CCDC171: variants seen among roughly 807,000 people sequenced by gnomAD.
CCDC171 encodes the protein coiled-coil domain-containing protein 171.
CCDC171 carries 177 observed loss-of-function variants against 168.2 expected under a neutral mutation model. The ratio of observed to expected loss-of-function variants is 1.05; its 90% CI spans 0.93 to 1.19. The LOEUF (loss-of-function observed/expected upper bound fraction) is 1.19. Among genes scored for constraint, CCDC171 ranks in the 50% most tolerant of loss-of-function variants. CCDC171 has a pLI of 0.00. For synonymous variants in CCDC171, 687 were observed against 540.8 expected (o/e 1.27, Z -3.75); for missense variants, 1,991 against 1,539.0 (o/e 1.29, Z -4.91).
At chr9:15,642,343 G>GTGTATATATATA (rs1369419679) in intron 7 of CCDC171, among the ~76,000 whole-genome samples, 54 of 107,466 alleles carry the variant, frequency 5.0e-4, no homozygotes, top group African/African-American at 1.3e-3. Context: ...GTGTGTGTGT[G>GTGTATATATATA]TATATATATA....
At chr9:15,706,521 T>A (rs1588070575) in intron 11 of CCDC171, among the ~76,000 whole-genome samples, 2 of 152,084 alleles carry the variant, frequency 1.3e-5, no homozygotes, top group Non-Finnish European at 2.9e-5. Flanking sequence ...CTGCTGAGTT[T>A]AAGCAATCCT....
chr9:16,096,324 TGC>T, the CCDC171 span, among the ~76,000 whole-genome samples: 1 of 152,206 alleles, frequency 6.6e-6, no homozygotes, highest in Non-Finnish European at 1.5e-5. Context: ...CCTGTAAGTC[TGC>T]ATAAAGGACA....
At chr9:15,705,367 A>G (rs1272019404) in intron 11 of CCDC171, among the ~76,000 whole-genome samples, 1 of 152,220 alleles carries the variant, frequency 6.6e-6, no homozygotes, top group East Asian at 1.9e-4. Flanking sequence ...AGAAGCCAAA[A>G]TGGTATCAAT....
At chr9:15,717,171 C>T (rs767452310) in intron 11 of CCDC171, among the ~76,000 whole-genome samples, 49 of 152,164 alleles carry the variant, frequency 3.2e-4, no homozygotes, top group Non-Finnish European at 5.7e-4. Context: ...GGAATCTGTG[C>T]ACTTGGGGAA....
intron 6 of CCDC171, among the ~76,000 whole-genome samples, chr9:15,619,687 G>A (rs1267153119): frequency 2.0e-5 from 3 of 152,144 alleles, no homozygotes; most frequent in East Asian, 3.8e-4. Context: ...TAAAATAATC[G>A]ATGAAGGTGG....
At position 15,971,942 on chromosome 9, in the gene CCDC171, G is replaced by A; in HGVS notation, c.*106G>A. 1 of 990,146 alleles carries A rather than the reference G, an allele frequency of 1.0e-6. No homozygotes were observed. Among genetic ancestry groups the A allele is most frequent in the Non-Finnish European group, 1.5e-6 (1 of 656,472 alleles). 61.3% of individuals were successfully genotyped at this position (990,146 alleles called of 1,614,324 possible). ...TTTTGTTTCAGCAGAAGTGGCAGTG[G>A]ATTTAAAAAATTTGTGCGCTATCTT... is the stretch of plus-strand genomic sequence containing the variant. On this transcript the variant is annotated 3_prime_UTR_variant, in exon 26 of 26. Transcript: ENST00000380701.
the CCDC171 span, among the ~76,000 whole-genome samples, chr9:16,100,095 A>G: frequency 2.0e-5 from 3 of 152,180 alleles, no homozygotes; most frequent in African/African-American, 7.2e-5. Context: ...AATAAATCAG[A>G]AAACAATGGG....
intron 7 of CCDC171, among the ~76,000 whole-genome samples, chr9:15,655,087 A>C (rs897637648): frequency 6.6e-6 from 1 of 152,064 alleles, no homozygotes; most frequent in Non-Finnish European, 1.5e-5. Context: ...ATGTTAAATG[A>C]CGAGTTAATG....
the CCDC171 span, among the ~76,000 whole-genome samples, chr9:16,077,133 C>T: frequency 6.6e-6 from 1 of 152,110 alleles, no homozygotes; most frequent in African/African-American, 2.4e-5. Context: ...CCTTGACTTC[C>T]CAGCCTGGTG....
intron 21 of CCDC171, among the ~76,000 whole-genome samples, chr9:15,791,255 T>A (rs1398027843): frequency 6.6e-6 from 1 of 152,172 alleles, no homozygotes; most frequent in Non-Finnish European, 1.5e-5. Context: ...CATTTGTTTG[T>A]GTCCTCTTTT....
At chr9:15,577,189 G>A (rs1024670084) in intron 3 of CCDC171, among the ~76,000 whole-genome samples, 1 of 152,070 alleles carries the variant, frequency 6.6e-6, no homozygotes, top group African/African-American at 2.4e-5. Context: ...AACCTTATCT[G>A]CCCTGGGGCT....
intron 1 of CCDC171, among the ~76,000 whole-genome samples, chr9:16,048,842 C>T (rs543392145): frequency 3.6e-4 from 55 of 151,664 alleles, no homozygotes; most frequent in African/African-American, 1.2e-3. Context: ...ACGTAGTAAA[C>T]GCTGTGGACA....
At chr9:15,778,643 C>CAAAAAAAAAAAAAAA (rs527592822) in intron 19 of CCDC171, among the ~76,000 whole-genome samples, 3 of 58,792 alleles carry the variant, frequency 5.1e-5, no homozygotes, top group African/African-American at 1.3e-4. Flanking sequence ...AAGACTGTCT[C>CAAAAAAAAAAAAAAA]AAAAAAAAAA....
chr9:15,704,580 G>T (rs1349518331), intron 11 of CCDC171, among the ~76,000 whole-genome samples: 1 of 152,108 alleles, frequency 6.6e-6, no homozygotes, highest in African/African-American at 2.4e-5. Flanking sequence ...TTTTGGGCTT[G>T]CTTTTCAAAA....
At chr9:15,931,456 C>CTTTTTTTTTTTTTTTTTTT (rs57124025) in intron 25 of CCDC171, among the ~76,000 whole-genome samples, 8 of 44,996 alleles carry the variant, frequency 1.8e-4, no homozygotes, top group Admixed American at 2.8e-4. Context: ...TTCTTTCTTT[C>CTTTTTTTTTTTTTTTTTTT]TTTTTTTTTT....
chr9:15,620,290 T>C, intron 6 of CCDC171, among the ~76,000 whole-genome samples: 1 of 152,202 alleles, frequency 6.6e-6, no homozygotes, highest in East Asian at 1.9e-4. Flanking sequence ...TGGAAAGGAT[T>C]TGCCATTCTA....
At chr9:15,871,706 T>C (rs995074918) in intron 23 of CCDC171, among the ~76,000 whole-genome samples, 1 of 151,952 alleles carries the variant, frequency 6.6e-6, no homozygotes, top group African/African-American at 2.4e-5. Context: ...AGTCCTTTCT[T>C]ACTGTTCTGT....
intron 6 of CCDC171, among the ~76,000 whole-genome samples, chr9:16,029,759 A>G (rs1315526439): frequency 6.6e-6 from 1 of 152,212 alleles, no homozygotes; most frequent in East Asian, 1.9e-4. Flanking sequence ...ATTGGTGAAC[A>G]AAGTAAAGAT....
Position 15,594,091 on chromosome 9 carries a change from CAG to C in CCDC171, c.595_596del (p.Arg199GlyfsTer8). On this transcript the variant is annotated frameshift_variant, in exon 6 of 26. Transcript: ENST00000380701. LOFTEE classifies it high-confidence loss of function. ...REKNEMESHI[R>X]ETALEEFRLQ... ...AGAAGAATGAGATGGAGTCTCATAT[CAG>C]GGAGACAGCATTGGAGGAGTTTAGA... 1 of 1,568,040 alleles carries C rather than the reference CAG, an allele frequency of 6.4e-7. No homozygotes were observed.
Sources: allele counts gnomAD v4.1 joint callset (sites outside exome capture counted in the v4.1 genomes callset), GRCh38; gene constraint gnomAD v4.1.1; transcripts MANE v1.5; gene names NCBI Gene and HGNC (gene_info 2026-07-23, HGNC 2026-07-21).